DTYMK: variants seen among roughly 807,000 people sequenced by gnomAD.
The protein encoded by DTYMK is deoxythymidylate kinase.
A neutral mutation model predicts 20.3 loss-of-function variants in DTYMK; 20 were observed. The ratio of observed to expected loss-of-function variants is 0.99; its 90% CI spans 0.69 to 1.43. DTYMK has a LOEUF of 1.43. Ranked by LOEUF, DTYMK falls within the 40% of genes most tolerant of loss-of-function variation. The probability of loss-of-function intolerance (pLI) is 0.00; values close to 1 mark genes in which losing one functional copy is unlikely to be tolerated. For synonymous variants in DTYMK, 148 were observed against 124.4 expected (o/e 1.19, Z -1.27); for missense variants, 320 against 291.1 (o/e 1.10, Z -0.72).
At chr2:241,685,906 C>A in intron 1 of DTYMK, 29 bp from the exon 2 acceptor site, 1 of 1,603,098 alleles carries the variant, frequency 6.2e-7, no homozygotes, top group Non-Finnish European at 8.5e-7. Flanking sequence ...ACACAAAATG[C>A]AAGTGAGATC....
chr2:241,680,442 T>C (rs186000103), intron 2 of DTYMK, 123 bp from the exon 3 acceptor site: 53 of 989,576 alleles, frequency 5.4e-5, no homozygotes, highest in Middle Eastern at 2.4e-4. Context: ...TTTGGGAGGC[T>C]GAGGCGGGCG....
At position 241,676,614 on chromosome 2, in the gene DTYMK, C is replaced by T. The variant is rs140828851; in HGVS notation, c.529-377G>A. Among the ~76,000 whole-genome samples the T allele has an allele frequency of 5.0e-3, 762 of 152,360 alleles. 7 individuals carry two copies. Among genetic ancestry groups the T allele is most frequent in the African/African-American group, 0.017 (710 of 41,584 alleles). On this transcript the variant is annotated intron_variant, in intron 4 of 4. Coordinates refer to ENST00000305784, the MANE Select transcript of DTYMK (RefSeq NM_012145.4). Reference sequence around the variant, plus strand: ...GAACCTCAACCTTGACAAGTGTCTACGGTAGTCACCCGGCATTCCTGCCAC... The same window carrying T: ...GAACCTCAACCTTGACAAGTGTCTATGGTAGTCACCCGGCATTCCTGCCAC...
chr2:241,680,402 C>T lies in DTYMK; in HGVS notation c.240-83G>A, dbSNP rs550887570. ...GCTTAAATTATCCCAACAGGCTGTG[C>T]GCAGTGGCTCACCCCTATAATCCCA... On this transcript the variant is annotated intron_variant, in intron 2 of 4. Coordinates refer to ENST00000305784, the MANE Select transcript of DTYMK (RefSeq NM_012145.4). 685 of 1,460,552 alleles carry T rather than the reference C, an allele frequency of 4.7e-4. 9 individuals carry two copies. In the South Asian group the frequency reaches 7.3e-3, roughly 16 times the overall value. 90.5% of individuals were successfully genotyped at this position (1,460,552 alleles called of 1,614,324 possible). A position where few individuals can be genotyped will look rare whatever the true frequency, so the allele number is the denominator to read the frequency against.
chr2:241,686,656 G>A lies in DTYMK; in HGVS notation c.128C>T (p.Pro43Leu), dbSNP rs1320967488. 6.6e-6 allele frequency: 10 copies of A among 1,515,092 alleles called. No individual in the cohort carries two copies. The highest frequency in any genetic ancestry group is 1.2e-5 in the South Asian group (1 of 82,010). 93.9% of individuals were successfully genotyped at this position (1,515,092 alleles called of 1,614,324 possible). ...AGHRAELLRF[P>L]ERSTEIGKLL... is the part of the protein sequence containing the mutation. ...CACCCCCCGCCGCGCGCACCCACCC[G>A]GGAACCGGAGCAGTTCGGCGCGGTG... Residue 43 changes from proline (P) to leucine (L), a missense_variant and splice_region_variant, in exon 1 of 5, where the codon CCG becomes CTG. Pro to Leu is a moderately conservative substitution (Grantham distance 98). Coordinates refer to ENST00000305784, the MANE Select transcript of DTYMK (RefSeq NM_012145.4).
In DTYMK at chr2:241,676,125, G is replaced by C. The variant is rs374407095; in HGVS notation, c.*2C>G. On this transcript the variant is annotated 3_prime_UTR_variant, in exon 5 of 5. Transcript: ENST00000305784. ...GAGGCGTCTCCAGTGGGCAGCCTTG[G>C]GTCACTTCCATAGCTCCCCCAGCGG... The C allele has an allele frequency of 1.1e-5, 17 of 1,608,658 alleles. No individual in the cohort carries two copies. The highest frequency in any genetic ancestry group is 1.3e-5 in the African/African-American group (1 of 74,804).
chr2:241,675,970 C>A lies in DTYMK; in HGVS notation c.*157G>T. The A allele has an allele frequency of 1.4e-6, 1 of 719,002 alleles. No homozygotes were observed. The allele number at this position is 719,002 out of a possible 1,614,324, so 44.5% of individuals were successfully genotyped here. A position where few individuals can be genotyped will look rare whatever the true frequency, so the allele number is the denominator to read the frequency against. On this transcript the variant is annotated 3_prime_UTR_variant, in exon 5 of 5. Coordinates refer to ENST00000305784, the MANE Select transcript of DTYMK (RefSeq NM_012145.4). ...CACCACGGGGGTCCCCAGTGCACCC[C>A]AGCTCCGGGGCAGAAGAGGCAGCCT... is the stretch of plus-strand genomic sequence containing the variant.
chr2:241,683,201 T>C (rs1309632163), intron 2 of DTYMK, among the ~76,000 whole-genome samples: 1 of 152,142 alleles, frequency 6.6e-6, no homozygotes, highest in African/African-American at 2.4e-5. Context: ...AAATGCAAAC[T>C]AGAACAATGA....
chr2:241,678,323 C>A, intron 4 of DTYMK, 129 bp downstream of exon 4: 1 of 1,317,614 alleles, frequency 7.6e-7, no homozygotes, highest in East Asian at 2.3e-5. Flanking sequence ...CGACTACTCC[C>A]GGGGCTCCAC....
At chr2:241,685,672 AC>A in intron 2 of DTYMK, 96 bp downstream of exon 2, 1 of 1,291,080 alleles carries the variant, frequency 7.7e-7, no homozygotes, top group Non-Finnish European at 1.1e-6. Context: ...GCCCAGCACT[AC>A]TGTCACTGTC....
At position 241,686,697 on chromosome 2, in the gene DTYMK, C is replaced by T. The variant is rs1192604070; in HGVS notation, c.87G>A (p.Ala29=). The T allele has an allele frequency of 3.2e-6, 5 of 1,538,914 alleles. No individual in the cohort carries two copies. The highest frequency in any genetic ancestry group is 4.3e-6 in the Non-Finnish European group (5 of 1,154,606). ...CGGCGCGGTGGCCCGCGGCGCACAG[C>T]GCTTCCACCAGCTTGCGGCTCTGCG... ...KSTQSRKLVE[A]LCAAGHRAEL... Residue 29 remains alanine (A), a synonymous_variant, in exon 1 of 5, where the codon GCG becomes GCA. Coordinates refer to ENST00000305784, the MANE Select transcript of DTYMK (RefSeq NM_012145.4).
intron 4 of DTYMK, among the ~76,000 whole-genome samples, chr2:241,677,126 G>A (rs2069135311): frequency 6.6e-6 from 1 of 152,232 alleles, no homozygotes; most frequent in Non-Finnish European, 1.5e-5. Context: ...TCTGCTGTCG[G>A]GTGGCACCGG....
chr2:241,683,425 G>A (rs576380786), intron 2 of DTYMK, among the ~76,000 whole-genome samples: 2 of 152,132 alleles, frequency 1.3e-5, no homozygotes, highest in African/African-American at 4.8e-5. Flanking sequence ...TTCTCAAAAC[G>A]TTACGAGATT....
At chr2:241,678,400 C>A (rs1239215016) in intron 4 of DTYMK, 52 bp downstream of exon 4, 5 of 1,609,132 alleles carry the variant, frequency 3.1e-6, no homozygotes, top group African/African-American at 1.3e-5. Flanking sequence ...ACCACGGTGT[C>A]ATCCTGAGCC....
rs1166519684 is a variant in DTYMK at position 241,678,485 on chromosome 2, G to A, written c.495C>T (p.His165=). The part of the protein sequence containing the change: ...AFQERALRCF[H]QLMKDTTLNW... The stretch of plus-strand genomic sequence containing the variant: ...TCAAAGTCGTGTCTTTCATGAGCTG[G>A]TGGAAACACCGGAGCGCCCGCTCCT... Residue 165 remains histidine, a synonymous_variant, in exon 4 of 5, where the codon CAC becomes CAT. Transcript: ENST00000305784. 2 of 1,614,204 alleles carry A rather than the reference G, an allele frequency of 1.2e-6. No homozygotes were observed. Among genetic ancestry groups the A allele is most frequent in the African/African-American group, 1.3e-5 (1 of 75,054 alleles).
rs749350171 is a variant in DTYMK at position 241,678,422 on chromosome 2, C to T, written c.528+30G>A. 1.2e-5 allele frequency: 20 copies of T among 1,613,492 alleles called. No homozygotes were observed. In the African/African-American group the frequency reaches 2.7e-4, roughly 22 times the overall value. ...TGTCATCCTGAGCCACTTCTCCACGCTTCCTAGTGTGCAATTCTGGGATTC... is the reference window on the plus strand; with the variant it reads ...TGTCATCCTGAGCCACTTCTCCACGTTTCCTAGTGTGCAATTCTGGGATTC... On this transcript the variant is annotated intron_variant, in intron 4 of 4. Transcript: ENST00000305784.
At chr2:241,678,739 T>C in intron 3 of DTYMK, 90 bp from the exon 4 acceptor site, 1 of 1,436,518 alleles carries the variant, frequency 7.0e-7, no homozygotes. Context: ...GAGGGGACAT[T>C]TGGTGAGGTA....
At chr2:241,677,188 T>C (rs1303149853) in intron 4 of DTYMK, among the ~76,000 whole-genome samples, 1 of 152,146 alleles carries the variant, frequency 6.6e-6, no homozygotes, top group African/African-American at 2.4e-5. Flanking sequence ...GCCAGGGGCG[T>C]AGAAGGCACT....
chr2:241,682,135 T>C (rs1387918201), intron 2 of DTYMK: 1 of 403,364 alleles, frequency 2.5e-6, no homozygotes, highest in African/African-American at 2.1e-5. Context: ...GTCCAGGAGT[T>C]CAAGACCAGC....
chr2:241,677,630 GGA>G (rs1314637645), intron 4 of DTYMK, among the ~76,000 whole-genome samples: 1 of 152,246 alleles, frequency 6.6e-6, no homozygotes, highest in African/African-American at 2.4e-5. Flanking sequence ...CTGGAGTCTG[GGA>G]GAGAGGTAGG....
Sources: gnomAD v4.1 joint callset for allele counts (sites outside exome capture counted in the v4.1 genomes callset) on GRCh38, gnomAD v4.1.1 for gene constraint, MANE v1.5 for transcripts, NCBI Gene and HGNC (gene_info 2026-07-23, HGNC 2026-07-21) for gene names.